Variants in APBB2 observed in about 807,000 individuals in gnomAD.
APBB2 encodes the protein amyloid beta precursor protein binding family B member 2.
APBB2 carries 38 observed loss-of-function variants against 82.5 expected under a neutral mutation model. That is an observed-to-expected ratio of 0.46 (90% confidence interval 0.36 to 0.60). The LOEUF (loss-of-function observed/expected upper bound fraction) is 0.60. Ranked by LOEUF, APBB2 falls within the 20% of genes least tolerant of loss-of-function variation. The probability of loss-of-function intolerance (pLI) is 0.00; values close to 1 mark genes in which losing one functional copy is unlikely to be tolerated. For missense variants in APBB2, 772 were observed against 972.3 expected (o/e 0.79, Z 2.74); for synonymous variants, 341 against 368.2 (o/e 0.93, Z 0.85).
At chr4:41,059,880 C>G (rs1729175938) in intron 4 of APBB2, among the ~76,000 whole-genome samples, 1 of 152,000 alleles carries the variant, frequency 6.6e-6, no homozygotes, top group Non-Finnish European at 1.5e-5. Context: ...GTTAGAGTCT[C>G]CCCGACCAAG....
intron 10 of APBB2, among the ~76,000 whole-genome samples, chr4:40,912,555 T>C (rs997274180): frequency 3.7e-4 from 55 of 147,324 alleles, no homozygotes; most frequent in Admixed American, 3.6e-3. Flanking sequence ...CCAGCCTGGC[T>C]GACAGAGCAA....
intron 3 of APBB2, among the ~76,000 whole-genome samples, chr4:41,076,819 A>G (rs67496672): frequency 0.34 from 51,249 of 151,964 alleles, 8,866 homozygotes; most frequent in Non-Finnish European, 0.37. Flanking sequence ...CAAGAGGGTA[A>G]AACATATTGC....
At position 40,945,089 on chromosome 4, in the gene APBB2, G is replaced by GT; in HGVS notation, c.836-17_836-16insA. 1.1e-6 allele frequency: 1 copy of GT among 940,682 alleles called. No homozygotes were observed. Among genetic ancestry groups the GT allele is most frequent in the Non-Finnish European group, 1.6e-6 (1 of 623,750 alleles). The allele number at this position is 940,682 out of a possible 1,614,324, so 58.3% of individuals were successfully genotyped here. A position where few individuals can be genotyped will look rare whatever the true frequency, so the allele number is the denominator to read the frequency against. ...CATATATCTGCTGAAAAATTGGGGG[G>GT]CGGGGCGGGGGGAGAAAGAGAGAAT... On this transcript the variant is annotated splice_polypyrimidine_tract_variant and intron_variant, in intron 6 of 17. Transcript: ENST00000508593.
intron 1 of APBB2, among the ~76,000 whole-genome samples, chr4:41,204,172 G>A (rs537279917): frequency 1.5e-4 from 23 of 152,348 alleles, no homozygotes; most frequent in Non-Finnish European, 2.8e-4. Flanking sequence ...CTGGCATGTC[G>A]TAAGAACGAG....
chr4:41,189,438 A>G (rs1253215389), intron 1 of APBB2, among the ~76,000 whole-genome samples: 1 of 152,146 alleles, frequency 6.6e-6, no homozygotes, highest in African/African-American at 2.4e-5. Context: ...TTGCATATAT[A>G]TGGAAAAATC....
At chr4:41,135,307 G>C (rs574285519) in intron 2 of APBB2, among the ~76,000 whole-genome samples, 1 of 152,182 alleles carries the variant, frequency 6.6e-6, no homozygotes, top group Non-Finnish European at 1.5e-5. Flanking sequence ...CTTAAAGACA[G>C]TACACTAACA....
chr4:41,019,459 C>A (rs541827904), intron 5 of APBB2, among the ~76,000 whole-genome samples: 39 of 152,122 alleles, frequency 2.6e-4, no homozygotes, highest in Non-Finnish European at 3.7e-4. Context: ...CGAGCAAAAG[C>A]GAAACTGGCA....
Position 40,946,369 on chromosome 4 carries a change from G to T in APBB2, c.836-1296C>A, listed in dbSNP as rs538245472. 1.5e-3 allele frequency among the ~76,000 whole-genome samples: 229 copies of T among 152,168 alleles called. 1 individual carries two copies. Among genetic ancestry groups the T allele is most frequent in the African/African-American group, 5.1e-3 (210 of 41,510 alleles). On this transcript the variant is annotated intron_variant, in intron 6 of 17. Coordinates refer to ENST00000508593, the MANE Select transcript of APBB2 (RefSeq NM_004307.2). ...AAGCAGAGTGTGAGAGACAACAAAG[G>T]TGGGTGACTGGAAAATGGGCAAGCA...
chr4:41,158,170 A>C (rs1763958160), intron 1 of APBB2, among the ~76,000 whole-genome samples: 1 of 152,176 alleles, frequency 6.6e-6, no homozygotes, highest in Admixed American at 6.5e-5. Flanking sequence ...GTGGCCTTGG[A>C]CATGTCATGC....
chr4:40,857,504 T>C (rs1383924419), intron 12 of APBB2, among the ~76,000 whole-genome samples: 1 of 152,208 alleles, frequency 6.6e-6, no homozygotes, highest in Non-Finnish European at 1.5e-5. Flanking sequence ...AGAGTCTCGC[T>C]CTGTCGCCCA....
chr4:41,199,729 A>T (rs1776208488), intron 1 of APBB2, among the ~76,000 whole-genome samples: 1 of 152,238 alleles, frequency 6.6e-6, no homozygotes, highest in Admixed American at 6.5e-5. Flanking sequence ...GAAAAACATA[A>T]ATGAGGTACA....
In APBB2 at chr4:40,935,019, C is replaced by T. The variant is rs899736346; in HGVS notation, c.1107+58G>A. The T allele has an allele frequency of 1.1e-5, 14 of 1,331,114 alleles. No individual in the cohort carries two copies. In the Admixed American group the frequency reaches 1.5e-4, roughly 15 times the overall value. 82.5% of individuals were successfully genotyped at this position (1,331,114 alleles called of 1,614,324 possible). A position where few individuals can be genotyped will look rare whatever the true frequency, so the allele number is the denominator to read the frequency against. On this transcript the variant is annotated intron_variant, in intron 8 of 17. Transcript: ENST00000508593. ...TTCACAAAGAAGAAAAATATACAGC[C>T]ACAGCCATGCAGAAAGGATAAAATA...
intron 7 of APBB2, among the ~76,000 whole-genome samples, chr4:40,944,139 G>T (rs1787741795): frequency 6.6e-6 from 1 of 152,188 alleles, no homozygotes; most frequent in South Asian, 2.1e-4. Flanking sequence ...TGGGTGTCAG[G>T]GGTCAAAAGA....
chr4:40,972,199 T>C lies in APBB2; in HGVS notation c.836-27126A>G, dbSNP rs1429771518. Among the ~76,000 whole-genome samples the C allele has an allele frequency of 3.3e-5, 5 of 151,984 alleles. No individual in the cohort carries two copies. The East Asian group carries it at 5.8e-4, about 18-fold the overall frequency. On this transcript the variant is annotated intron_variant, in intron 6 of 17. Transcript: ENST00000508593. Reference sequence around the variant, plus strand: ...ATCCCAGCACTTTGGGAGGCCGAGGTGGGTGGATCACAGGGTCAGGAGATG... The same window carrying C: ...ATCCCAGCACTTTGGGAGGCCGAGGCGGGTGGATCACAGGGTCAGGAGATG...
chr4:41,070,348 C>T (rs1480358296), intron 3 of APBB2, among the ~76,000 whole-genome samples: 4 of 152,026 alleles, frequency 2.6e-5, no homozygotes, highest in Non-Finnish European at 2.9e-5. Context: ...TCACTCCTGT[C>T]GCCCAGACTG....
intron 2 of APBB2, chr4:41,118,109 G>C (rs1012233230): frequency 2.0e-5 from 3 of 152,368 alleles, no homozygotes; most frequent in Non-Finnish European, 4.4e-5. Context: ...AGCTATTCAG[G>C]AGGCTGAGGA....
intron 6 of APBB2, among the ~76,000 whole-genome samples, chr4:40,996,292 A>T (rs1253284650): frequency 6.6e-6 from 1 of 152,204 alleles, no homozygotes; most frequent in Admixed American, 6.5e-5. Flanking sequence ...AAACCATTAT[A>T]AGTATTTCAC....
chr4:41,085,756 T>C (rs1739427781), intron 3 of APBB2, among the ~76,000 whole-genome samples: 2 of 152,076 alleles, frequency 1.3e-5, no homozygotes. Flanking sequence ...TGCATCTACA[T>C]ATGTAAGGCA....
chr4:41,186,121 G>A (rs997178264), intron 1 of APBB2, among the ~76,000 whole-genome samples: 4 of 152,178 alleles, frequency 2.6e-5, no homozygotes, highest in African/African-American at 9.7e-5. Context: ...AGTCTTCCTA[G>A]TCAGACCTAT....
Sources: allele counts gnomAD v4.1 joint callset (sites outside exome capture counted in the v4.1 genomes callset), GRCh38; gene constraint gnomAD v4.1.1; transcripts MANE v1.5; gene names NCBI Gene and HGNC (gene_info 2026-07-23, HGNC 2026-07-21).